The following SIPA1L3 variants were observed in gnomAD, a reference collection of about 807,000 sequenced individuals.
SIPA1L3 encodes signal-induced proliferation-associated 1-like protein 3.
SIPA1L3 carries 59 observed loss-of-function variants against 150.1 expected under a neutral mutation model. The ratio of observed to expected loss-of-function variants is 0.39; its 90% CI spans 0.32 to 0.49. The LOEUF (loss-of-function observed/expected upper bound fraction) is 0.49, where lower values mean the gene tolerates loss of function less well. Among genes scored for constraint, SIPA1L3 ranks in the 20% least tolerant of loss-of-function variants. The pLI, the probability that SIPA1L3 is intolerant of heterozygous loss-of-function variation, is 0.86. For synonymous variants in SIPA1L3, 1,070 were observed against 1,077.6 expected (o/e 0.99, Z 0.14); for missense variants, 2,211 against 2,489.5 (o/e 0.89, Z 2.38).
At chr19:38,136,794 T>C (rs1030066975) in intron 10 of SIPA1L3, among the ~76,000 whole-genome samples, 1 of 152,168 alleles carries the variant, frequency 6.6e-6, no homozygotes, top group African/African-American at 2.4e-5. Context: ...TCGATGATGA[T>C]CATTTTCAGA....
chr19:38,111,897 G>GCA (rs200462293), intron 8 of SIPA1L3, among the ~76,000 whole-genome samples: 4 of 151,716 alleles, frequency 2.6e-5, no homozygotes, highest in East Asian at 2.0e-4. Context: ...ACAGGCACAT[G>GCA]CACACACACA....
At chr19:37,960,158 C>T (rs2046844521) in intron 1 of SIPA1L3, among the ~76,000 whole-genome samples, 1 of 152,026 alleles carries the variant, frequency 6.6e-6, no homozygotes, top group African/African-American at 2.4e-5. Context: ...GCCTCTTTTC[C>T]TTTCAGCCTA....
At chr19:37,915,611 ACCTCAAGTGATCCGACGGCCTCAG>A (rs1167996103) in intron 1 of SIPA1L3, among the ~76,000 whole-genome samples, 3 of 151,956 alleles carry the variant, frequency 2.0e-5, no homozygotes, top group Non-Finnish European at 4.4e-5. Context: ...CCAACTCCTC[ACCTCAAGTGATCCGACGGCCTCAG>A]CCTCCCAAAG....
chr19:38,068,060 T>C (rs1448765484), intron 2 of SIPA1L3, among the ~76,000 whole-genome samples: 4 of 150,706 alleles, frequency 2.7e-5, no homozygotes, highest in East Asian at 2.0e-4. Flanking sequence ...TCTCACTCTT[T>C]TGCCCAGGCT....
intron 10 of SIPA1L3, among the ~76,000 whole-genome samples, chr19:38,136,738 G>A (rs904103166): frequency 6.6e-6 from 1 of 152,172 alleles, no homozygotes; most frequent in Non-Finnish European, 1.5e-5. Context: ...GTGTAATCTG[G>A]GATGGGGCCC....
At chr19:38,123,928 G>A (rs1350678657) in intron 9 of SIPA1L3, among the ~76,000 whole-genome samples, 1 of 146,400 alleles carries the variant, frequency 6.8e-6, no homozygotes, top group Non-Finnish European at 1.5e-5. Flanking sequence ...GCCGGGCAGA[G>A]GCGCCCCTCA....
At position 38,193,692 on chromosome 19, in the gene SIPA1L3, G is replaced by A; in HGVS notation, c.4752G>A (p.Leu1584=). ...CCTGCGCCTTCCCGTCCAGCACGCT[G>A]CCTGCACGCCGCCAGCACCAGCACC... The part of the protein sequence containing the change: ...TSTCAFPSST[L]PARRQHQHPH... Residue 1584 remains leucine (L), a synonymous_variant, in exon 18 of 22, where the codon CTG becomes CTA. Coordinates refer to ENST00000222345, the MANE Select transcript of SIPA1L3 (RefSeq NM_015073.3). The A allele has an allele frequency of 6.4e-7, 1 of 1,573,348 alleles. No homozygotes were observed. The highest frequency in any genetic ancestry group is 1.1e-5 in the South Asian group (1 of 87,602).
chr19:38,194,386 AG>A (rs1181474982), intron 18 of SIPA1L3, among the ~76,000 whole-genome samples: 5 of 143,266 alleles, frequency 3.5e-5, no homozygotes, highest in African/African-American at 5.0e-5. Flanking sequence ...CACAACTGAA[AG>A]ACAGTACGTA....
intron 6 of SIPA1L3, among the ~76,000 whole-genome samples, chr19:38,101,858 C>A (rs986645742): frequency 6.6e-6 from 1 of 152,158 alleles, no homozygotes; most frequent in Non-Finnish European, 1.5e-5. Flanking sequence ...CCCTAACCAC[C>A]GGCACCTCGG....
chr19:38,091,678 A>G (rs1361511986), intron 4 of SIPA1L3, among the ~76,000 whole-genome samples: 2 of 152,158 alleles, frequency 1.3e-5, no homozygotes. Flanking sequence ...GGTTTTGACT[A>G]AGTCAGCTTA....
At chr19:38,122,435 T>A (rs936739475) in intron 9 of SIPA1L3, among the ~76,000 whole-genome samples, 1 of 152,168 alleles carries the variant, frequency 6.6e-6, no homozygotes, top group African/African-American at 2.4e-5. Context: ...TAGGCAGGCA[T>A]CAGCCACCTC....
chr19:38,206,846 T>TTA lies in SIPA1L3; in HGVS notation c.*607_*608insAT, dbSNP rs1973228943. 6.5e-6 allele frequency: 1 copy of TTA among 152,766 alleles called. No homozygotes were observed. The highest frequency in any genetic ancestry group is 2.1e-4 in the South Asian group (1 of 4,836). The allele number at this position is 152,766 out of a possible 1,614,324, so 9.5% of individuals were successfully genotyped here. On this transcript the variant is annotated 3_prime_UTR_variant, in exon 22 of 22. Transcript: ENST00000222345. ...CTCCCAAAAAGCAGCCAGGAGCACT[T>TTA]TCTTAGAGTTTAAATTATTTTCTTG...
chr19:38,079,438 C>G (rs1969927082), intron 2 of SIPA1L3, among the ~76,000 whole-genome samples: 1 of 152,172 alleles, frequency 6.6e-6, no homozygotes, highest in African/African-American at 2.4e-5. Context: ...GAACGAACAA[C>G]TGCTAAGAAA....
At chr19:38,014,027 G>A (rs112570144) in intron 1 of SIPA1L3, among the ~76,000 whole-genome samples, 3,198 of 152,334 alleles carry the variant, frequency 0.021, 94 homozygotes, top group African/African-American at 0.069. Flanking sequence ...TCTCTTCCAC[G>A]TCACATGGCC....
chr19:38,002,717 C>CAA lies in SIPA1L3; in HGVS notation c.-378-26346_-378-26345dup, dbSNP rs55737969. On this transcript the variant is annotated intron_variant, in intron 1 of 21. Coordinates refer to ENST00000222345, the MANE Select transcript of SIPA1L3 (RefSeq NM_015073.3). ...CTGGTGACAGAGCGAGACTCCATCTCAAAAAAAAAAAAAAAAAAAAAAAAA... is the reference window on the plus strand; with the variant it reads ...CTGGTGACAGAGCGAGACTCCATCTCAAAAAAAAAAAAAAAAAAAAAAAAAAA... 9.7e-3 allele frequency among the ~76,000 whole-genome samples: 596 copies of CAA among 61,346 alleles called. 36 individuals carry two copies. The highest frequency in any genetic ancestry group is 0.06 in the South Asian group (98 of 1,636). The allele number at this position is 61,346 out of a possible 152,430, so 40.2% of individuals were successfully genotyped here. A position where few individuals can be genotyped will look rare whatever the true frequency, so the allele number is the denominator to read the frequency against.
chr19:38,204,215 C>T lies in SIPA1L3; in HGVS notation c.5202+7C>T, dbSNP rs1415105552. On this transcript the variant is annotated splice_region_variant and intron_variant, in intron 21 of 21. Coordinates refer to ENST00000222345, the MANE Select transcript of SIPA1L3 (RefSeq NM_015073.3). ...GCACACTGACCTGCAGAAGGTAAGG[C>T]CGGGGGCCACGCCCTCTCCATCCCA... 7 of 1,551,682 alleles carry T rather than the reference C, an allele frequency of 4.5e-6. No individual in the cohort carries two copies. The highest frequency in any genetic ancestry group is 2.7e-5 in the African/African-American group (2 of 73,038).
rs118080824 is a variant in SIPA1L3, at chr19:38,111,642, C to T, written c.2291+1258C>T. ...GGGAAGGGAGGGGCATCCCAGCCTG[C>T]AGCGCTGGTTGTCTAGCACCTCTGT... is the stretch of plus-strand genomic sequence containing the variant. On this transcript the variant is annotated intron_variant, in intron 8 of 21. Coordinates refer to ENST00000222345, the MANE Select transcript of SIPA1L3 (RefSeq NM_015073.3). Among the ~76,000 whole-genome samples the T allele has an allele frequency of 8.7e-4, 132 of 152,310 alleles. 3 individuals are homozygous for T. The East Asian group carries it at 0.018, about 20-fold the overall frequency.
At position 38,198,451 on chromosome 19, in the gene SIPA1L3, G is replaced by C. The variant is rs780501745; in HGVS notation, c.4903G>C (p.Asp1635His). The C allele has an allele frequency of 6.2e-7, 1 of 1,604,726 alleles. No individual in the cohort carries two copies. Among genetic ancestry groups the C allele is most frequent in the South Asian group, 1.1e-5 (1 of 89,848 alleles). The stretch of plus-strand genomic sequence containing the variant: ...GCGGGACCGCCCCCTGCGGCGCCTG[G>C]ACCCTGGGCTGATGCCCCTGCCTGA... ...DGRDRPLRRL[D>H]PGLMPLPDTA... The change falls in exon 19 of 22, where the codon GAC becomes CAC. Residue 1635 changes from aspartate (D) to histidine (H), a missense_variant. By Grantham distance (81) the Asp-to-His change is moderately conservative (BLOSUM62 -1). Transcript: ENST00000222345.
intron 1 of SIPA1L3, among the ~76,000 whole-genome samples, chr19:37,990,415 G>A (rs1338271462): frequency 1.3e-5 from 2 of 151,956 alleles, no homozygotes; most frequent in Admixed American, 6.6e-5. Context: ...TGAGACAGGC[G>A]GGGTCGTGGG....
Sources: allele counts gnomAD v4.1 joint callset (sites outside exome capture counted in the v4.1 genomes callset), GRCh38; gene constraint gnomAD v4.1.1; transcripts MANE v1.5; gene names NCBI Gene and HGNC (gene_info 2026-07-23, HGNC 2026-07-21).